The following ZNF451 variants were observed in gnomAD, a reference collection of about 807,000 sequenced individuals.
The protein encoded by ZNF451 is zinc finger protein 451, also known as E3 SUMO-protein ligase ZNF451.
In ZNF451, 80 loss-of-function variants were observed where a neutral mutation model predicts 107.1. The ratio of observed to expected loss-of-function variants is 0.75; its 90% CI spans 0.62 to 0.90. The LOEUF (loss-of-function observed/expected upper bound fraction) is 0.90, where lower values mean the gene tolerates loss of function less well. ZNF451 is among the 40% of genes least tolerant of loss of function. The probability of loss-of-function intolerance (pLI) is 0.00; values close to 1 mark genes in which losing one functional copy is unlikely to be tolerated. For missense variants in ZNF451, 1,107 were observed against 1,236.2 expected, an observed-to-expected ratio of 0.90 and a Z score of 1.57; for synonymous variants, 362 against 406.5, an observed-to-expected ratio of 0.89 and a Z score of 1.32.
intron 3 of ZNF451, among the ~76,000 whole-genome samples, chr6:57,110,816 G>T (rs1488552840): frequency 6.6e-6 from 1 of 151,984 alleles, no homozygotes; most frequent in Non-Finnish European, 1.5e-5. Context: ...CCTTGTCCCA[G>T]TAATATCTCC....
intron 13 of ZNF451, chr6:57,160,876 C>A: frequency 2.4e-6 from 1 of 415,216 alleles, no homozygotes; most frequent in Admixed American, 4.5e-5. Flanking sequence ...GAGATGAATG[C>A]ATATGATTTT....
chr6:57,151,083 C>A, intron 11 of ZNF451: 1 of 470,620 alleles, frequency 2.1e-6, no homozygotes. Flanking sequence ...ATCTTTTGGC[C>A]GGGCGCGGTG....
intron 14 of ZNF451, among the ~76,000 whole-genome samples, chr6:57,164,434 A>T (rs1270504195): frequency 6.6e-6 from 1 of 152,152 alleles, no homozygotes; most frequent in Non-Finnish European, 1.5e-5. Flanking sequence ...TTATTTACTT[A>T]TATGTTCATC....
intron 3 of ZNF451, chr6:57,102,157 C>G: frequency 1.4e-6 from 2 of 1,447,030 alleles, no homozygotes; most frequent in Non-Finnish European, 1.8e-6. Flanking sequence ...ACTTGTTCCT[C>G]CTTGTACAAA....
rs148323205 is a variant in ZNF451 at position 57,093,261 on chromosome 6, G to C, written c.105+2367G>C. Among the ~76,000 whole-genome samples, 22 of 152,280 alleles carry C rather than the reference G, an allele frequency of 1.4e-4. No individual in the cohort carries two copies. The East Asian group carries it at 4.2e-3, about 29-fold the overall frequency. On this transcript the variant is annotated intron_variant, in intron 2 of 14. Transcript: ENST00000370706. ...ATTTTGCTAACAAAACAATACAAGAGATTCAGGTTTCAGCCAAGATTATTG... is the reference window on the plus strand; with the variant it reads ...ATTTTGCTAACAAAACAATACAAGACATTCAGGTTTCAGCCAAGATTATTG...
chr6:57,147,672 T>A lies in ZNF451; in HGVS notation c.1587T>A (p.Phe529Leu). 6.2e-7 allele frequency: 1 copy of A among 1,614,182 alleles called. No individual in the cohort carries two copies. Among genetic ancestry groups the A allele is most frequent in the Non-Finnish European group, 8.5e-7 (1 of 1,179,996 alleles). ...ACGGAGGGGCACATTTAAATAACTT[T>A]CTTTTCTGGTGTCGGACATGCAAAA... ...RIHGGAHLNN[F>L]LFWCRTCKKE... The change falls in exon 10 of 15, where the codon TTT (phenylalanine) becomes TTA (leucine). Residue 529 changes from phenylalanine to leucine, a missense_variant. Phe to Leu is a conservative substitution (Grantham distance 22). Around this residue, in one of 5 missense-constraint regions of ZNF451, gnomAD observed 608 missense variants for 649.2 expected, o/e 0.94. Transcript: ENST00000370706.
At chr6:57,110,706 T>C (rs1830066119) in intron 3 of ZNF451, among the ~76,000 whole-genome samples, 1 of 152,140 alleles carries the variant, frequency 6.6e-6, no homozygotes, top group Admixed American at 6.5e-5. Context: ...TATAAAAATA[T>C]TGCTTCATTG....
In ZNF451 at chr6:57,148,445, A is replaced by G; in HGVS notation, c.2360A>G (p.Tyr787Cys). 2 of 1,614,060 alleles carry G rather than the reference A, an allele frequency of 1.2e-6. No individual in the cohort carries two copies. Among genetic ancestry groups the G allele is most frequent in the Non-Finnish European group, 1.7e-6 (2 of 1,179,964 alleles). ...AAGAGTGATGAGGAGGAGCAGCAGT[A>G]TGTAATCAAGTGTGGCACCTGCACC... is the stretch of plus-strand genomic sequence containing the variant. ...KEKSDEEEQQYVIKCGTCTKA... is the reference protein window; with the variant it reads ...KEKSDEEEQQCVIKCGTCTKA... Residue 787 changes from tyrosine (Y) to cysteine (C), a missense_variant, in exon 10 of 15, where the codon TAT becomes TGT. Transcript: ENST00000370706.
chr6:57,158,036 C>G (rs1763512243), intron 13 of ZNF451, among the ~76,000 whole-genome samples: 1 of 152,192 alleles, frequency 6.6e-6, no homozygotes, highest in African/African-American at 2.4e-5. Context: ...CCTTTGCAAG[C>G]TACGAAGTAG....
intron 2 of ZNF451, among the ~76,000 whole-genome samples, chr6:57,097,913 T>C (rs1164456238): frequency 6.6e-6 from 1 of 151,410 alleles, no homozygotes; most frequent in Non-Finnish European, 1.5e-5. Flanking sequence ...GATCACTGAC[T>C]CCTTGTTTTG....
Position 57,150,716 on chromosome 6 carries a change from CAG to C in ZNF451, c.2609_2610del. On this transcript the variant is annotated splice_acceptor_variant, in intron 10 of 14. Coordinates refer to ENST00000370706, the MANE Select transcript of ZNF451 (RefSeq NM_001031623.3). LOFTEE classifies it high-confidence loss of function. ...ACTCATGTTGATATTTCTCTCTTCT[CAG>C]AGGAAGAAATTGTTGAGCTTCCAGA... is the stretch of plus-strand genomic sequence containing the variant. 4 of 1,596,880 alleles carry C rather than the reference CAG, an allele frequency of 2.5e-6. No homozygotes were observed. Among genetic ancestry groups the C allele is most frequent in the East Asian group, 2.2e-5 (1 of 44,648 alleles).
intron 9 of ZNF451, 106 bp downstream of exon 9, chr6:57,142,201 A>T: frequency 2.2e-6 from 3 of 1,347,416 alleles, no homozygotes; most frequent in Non-Finnish European, 3.0e-6. Context: ...TAAAATGAGA[A>T]TATACAGTTG....
At chr6:57,164,360 A>G (rs1043396306) in intron 14 of ZNF451, among the ~76,000 whole-genome samples, 1 of 152,210 alleles carries the variant, frequency 6.6e-6, no homozygotes, top group East Asian at 1.9e-4. Context: ...ATAACATGAC[A>G]TATGATAAAT....
intron 2 of ZNF451, among the ~76,000 whole-genome samples, chr6:57,092,609 CTT>C (rs1228357171): frequency 6.6e-6 from 1 of 152,176 alleles, no homozygotes; most frequent in Non-Finnish European, 1.5e-5. Context: ...GAGACAGAAT[CTT>C]TACTTTTCTC....
chr6:57,132,655 C>CT (rs1831236472), intron 5 of ZNF451, among the ~76,000 whole-genome samples: 1 of 151,746 alleles, frequency 6.6e-6, no homozygotes, highest in Non-Finnish European at 1.5e-5. Flanking sequence ...TGCATTTGGT[C>CT]TTTAACATTT....
chr6:57,157,384 T>C (rs889068259), intron 13 of ZNF451, among the ~76,000 whole-genome samples: 2 of 152,166 alleles, frequency 1.3e-5, no homozygotes, highest in African/African-American at 4.8e-5. Context: ...AATACAGATA[T>C]TTGGAGTTCC....
chr6:57,147,755 A>G lies in ZNF451; in HGVS notation c.1670A>G (p.His557Arg). ...MAHVTEFHNG[H>R]RYFYEMDEVE... is the part of the protein sequence containing the mutation. ...CATGTGACTGAATTTCATAATGGACACAGATATTTTTATGAGATGGATGAG... is the reference window on the plus strand; with the variant it reads ...CATGTGACTGAATTTCATAATGGACGCAGATATTTTTATGAGATGGATGAG... Residue 557 changes from histidine to arginine, a missense_variant, in exon 10 of 15, where the codon CAC (histidine) becomes CGC (arginine). Coordinates refer to ENST00000370706, the MANE Select transcript of ZNF451 (RefSeq NM_001031623.3). 1 of 1,613,898 alleles carries G rather than the reference A, an allele frequency of 6.2e-7. No individual in the cohort carries two copies. The highest frequency in any genetic ancestry group is 8.5e-7 in the Non-Finnish European group (1 of 1,179,968).
chr6:57,147,068 T>C, intron 9 of ZNF451, 22 bp from the exon 10 acceptor site: 1 of 1,557,730 alleles, frequency 6.4e-7, no homozygotes, highest in Non-Finnish European at 8.7e-7. Context: ...AAAGACTTTC[T>C]ATTTCTTTTT....
chr6:57,159,335 G>A lies in ZNF451; in HGVS notation c.3071-1749G>A, dbSNP rs1763566018. ...ATGCAATGATGAATTGTTTGGATGA[G>A]TTATAACATGCTGCTTTTGACTGAT... On this transcript the variant is annotated intron_variant, in intron 13 of 14. Coordinates refer to ENST00000370706, the MANE Select transcript of ZNF451 (RefSeq NM_001031623.3). 9.1e-6 allele frequency: 9 copies of A among 985,392 alleles called. No individual in the cohort carries two copies. In the South Asian group the frequency reaches 1.4e-4, roughly 15 times the overall value. 61.0% of individuals were successfully genotyped at this position (985,392 alleles called of 1,614,324 possible).
Sources: allele counts gnomAD v4.1 joint callset (sites outside exome capture counted in the v4.1 genomes callset), GRCh38; gene constraint gnomAD v4.1.1; regional missense constraint gnomAD v4.1.1; transcripts MANE v1.5; gene names NCBI Gene and HGNC (gene_info 2026-07-23, HGNC 2026-07-21).